The following ZFP92 variants were observed in gnomAD, a reference collection of about 807,000 sequenced individuals.
ZFP92 encodes ZFP92 zinc finger protein.
Under a neutral mutation model 7.6 loss-of-function variants are expected in ZFP92, and 2 were observed. That is an observed-to-expected ratio of 0.26 (90% CI 0.11 to 0.83). The LOEUF is 0.83. Among genes scored for constraint, ZFP92 ranks in the 40% least tolerant of loss-of-function variants. ZFP92 has a pLI of 0.65. For missense variants in ZFP92, 324 were observed against 408.3 expected (o/e 0.79, Z 1.78); for synonymous variants, 226 against 183.6 (o/e 1.23, Z -1.87).
intron 4 of ZFP92, among the ~76,000 whole-genome samples, chrX:153,419,645 A>T (rs1210453252): frequency 1.8e-5 from 2 of 112,421 alleles, no homozygotes; most frequent in Non-Finnish European, 3.8e-5. Flanking sequence ...CTGGAGGGGA[A>T]ATCCAGAGGG....
chrX:153,414,144 T>C (rs1283998808), intron 2 of ZFP92, among the ~76,000 whole-genome samples: 1 of 112,420 alleles, frequency 8.9e-6, no homozygotes, highest in Admixed American at 9.4e-5. Flanking sequence ...CTTATGCTGC[T>C]TTTCAAAACA....
At position 153,421,504 on chromosome X, in the gene ZFP92, C is replaced by A; in HGVS notation, c.1127C>A (p.Ala376Glu). 1.7e-6 allele frequency: 2 copies of A among 1,143,834 alleles called. No individual in the cohort carries two copies. Among genetic ancestry groups the A allele is most frequent in the Non-Finnish European group, 2.3e-6 (2 of 867,031 alleles). The allele number at this position is 1,143,834 out of a possible 1,213,427, so 94.3% of individuals were successfully genotyped here. A position where few individuals can be genotyped will look rare whatever the true frequency, so the allele number is the denominator to read the frequency against. ...GCAGTGCACGGCGCCAGGCGCCCTG[C>A]GAAGGCGGAGACGGCGCGGAGGCTA... ...HQAVHGARRP[A>E]KAETARRLAG... Residue 376 changes from alanine (A) to glutamate (E), a missense_variant, in exon 6 of 6, where the codon GCG (alanine) becomes GAG (glutamate). Transcript: ENST00000338647.
chrX:153,418,135 CAGA>C (rs1476874743), intron 2 of ZFP92, among the ~76,000 whole-genome samples, 167 bp from the exon 3 acceptor site: 2 of 112,273 alleles, frequency 1.8e-5, no homozygotes, highest in Non-Finnish European at 3.8e-5. Context: ...GGAAGCCATA[CAGA>C]AGGTCTGATG....
Position 153,421,259 on chromosome X carries a change from C to T in ZFP92, c.882C>T (p.Cys294=), listed in dbSNP as rs2088999948. ...RTHRGEKPYA[C]GQCAKAFKGV... is the part of the protein sequence containing the mutation. ...ACCGCGGCGAGAAGCCCTACGCCTG[C>T]GGCCAGTGCGCCAAGGCCTTCAAGG... is the stretch of plus-strand genomic sequence containing the variant. Residue 294 remains cysteine (C), a synonymous_variant, in exon 6 of 6, where the codon TGC becomes TGT. Transcript: ENST00000338647. The T allele has an allele frequency of 1.7e-6, 2 of 1,173,738 alleles. No individual in the cohort carries two copies. The highest frequency in any genetic ancestry group is 3.2e-5 in the East Asian group (1 of 31,399).
intron 2 of ZFP92, among the ~76,000 whole-genome samples, chrX:153,412,739 G>C (rs2088918778): frequency 9.0e-6 from 1 of 111,565 alleles, no homozygotes; most frequent in Non-Finnish European, 1.9e-5. Flanking sequence ...GTGCAGAGGT[G>C]GGAGGAGGGT....
chrX:153,418,859 AGTTT>A, intron 4 of ZFP92, 60 bp downstream of exon 4: 9 of 1,124,817 alleles, frequency 8.0e-6, no homozygotes, highest in Non-Finnish European at 9.4e-6. Flanking sequence ...CTCTGGGCTC[AGTTT>A]ATTTCCGAGA....
rs140580907 is a variant in ZFP92, at chrX:153,413,295, G to A, written c.-19+1282G>A. On this transcript the variant is annotated intron_variant, in intron 2 of 5. Coordinates refer to ENST00000338647, the MANE Select transcript of ZFP92 (RefSeq NM_001136273.2). ...GGGAATATCTCCCCATCTAGTGGTC[G>A]TCTTAAGGCATCCTGCTAGAGCCAG... Among the ~76,000 whole-genome samples, 31 of 103,790 alleles carry A rather than the reference G, an allele frequency of 3.0e-4. No homozygotes were observed. In the East Asian group the frequency reaches 8.8e-3, roughly 29 times the overall value. 90.1% of individuals were successfully genotyped at this position (103,790 alleles called of 115,157 possible).
At chrX:153,413,183 A>T (rs1337130334) in intron 2 of ZFP92, among the ~76,000 whole-genome samples, 1 of 108,635 alleles carries the variant, frequency 9.2e-6, no homozygotes, top group Admixed American at 9.8e-5. Context: ...GTGGATGAAA[A>T]AGCCCAAATT....
In ZFP92 at chrX:153,422,998, A is replaced by T. The variant is rs1421507241; in HGVS notation, c.*1370A>T. The T allele has an allele frequency of 8.9e-6, 1 of 112,355 alleles. No homozygotes were observed. Among genetic ancestry groups the T allele is most frequent in the Non-Finnish European group, 1.9e-5 (1 of 53,207 alleles). 9.3% of individuals were successfully genotyped at this position (112,355 alleles called of 1,213,427 possible). ...ACCCCTCTTCCCCTTAGCCCTGCAG[A>T]AACAGGGCAGACTCTTCAAATGGCA... On this transcript the variant is annotated 3_prime_UTR_variant, in exon 6 of 6. Coordinates refer to ENST00000338647, the MANE Select transcript of ZFP92 (RefSeq NM_001136273.2).
In ZFP92 at chrX:153,422,514, C is replaced by T. The variant is rs886754679; in HGVS notation, c.*886C>T. The T allele has an allele frequency of 2.7e-5, 3 of 110,494 alleles. No homozygotes were observed. Among genetic ancestry groups the T allele is most frequent in the African/African-American group, 9.9e-5 (3 of 30,203 alleles). The allele number at this position is 110,494 out of a possible 1,213,427, so 9.1% of individuals were successfully genotyped here. On this transcript the variant is annotated 3_prime_UTR_variant, in exon 6 of 6. Transcript: ENST00000338647. ...CCTGCCCGCCCACTGCCTTCTGCTC[C>T]CCAGACCCCACCAGCAAAGGCCACC...
chrX:153,415,926 C>A (rs782535471), intron 2 of ZFP92, among the ~76,000 whole-genome samples: 1 of 111,351 alleles, frequency 9.0e-6, no homozygotes, highest in South Asian at 3.8e-4. Flanking sequence ...TCCCAATGAT[C>A]CCTAATCCCT....
Position 153,421,666 on chromosome X carries a change from TG to T in ZFP92, c.*44del. 1.1e-6 allele frequency: 1 copy of T among 933,516 alleles called. No homozygotes were observed. The allele number at this position is 933,516 out of a possible 1,213,427, so 76.9% of individuals were successfully genotyped here. A position where few individuals can be genotyped will look rare whatever the true frequency, so the allele number is the denominator to read the frequency against. ...GCACCCAGGGCGCGGCCGGTCTGCGTGGGGGGCCTTCCTGGGGACGTCGAGG... is the reference window on the plus strand; with the variant it reads ...GCACCCAGGGCGCGGCCGGTCTGCGTGGGGGCCTTCCTGGGGACGTCGAGG... On this transcript the variant is annotated 3_prime_UTR_variant, in exon 6 of 6. Transcript: ENST00000338647.
intron 3 of ZFP92, 126 bp from the exon 4 acceptor site, chrX:153,418,547 A>G: frequency 2.0e-6 from 2 of 1,012,331 alleles, no homozygotes; most frequent in South Asian, 4.7e-5. Context: ...AACTCGTGCA[A>G]CCCGAGTCTT....
In ZFP92 at chrX:153,415,887, C is replaced by A. The variant is rs147284602; in HGVS notation, c.-18-2418C>A. On this transcript the variant is annotated intron_variant, in intron 2 of 5. Transcript: ENST00000338647. ...ATGAGCAGTTATGATCCCCTACTTCCTTCCGAGGGCCACCCCATAATCACC... is the reference window on the plus strand; with the variant it reads ...ATGAGCAGTTATGATCCCCTACTTCATTCCGAGGGCCACCCCATAATCACC... 9.8e-3 allele frequency among the ~76,000 whole-genome samples: 1,091 copies of A among 111,323 alleles called. 20 individuals are homozygous for A. The highest frequency in any genetic ancestry group is 0.034 in the African/African-American group (1,026 of 30,555).
chrX:153,413,348 T>C (rs782198188), intron 2 of ZFP92, among the ~76,000 whole-genome samples: 21 of 105,678 alleles, frequency 2.0e-4, no homozygotes, highest in South Asian at 4.4e-4. Flanking sequence ...CAGGCTTCCT[T>C]GCTGGCAGTG....
chrX:153,421,520 G>A lies in ZFP92; in HGVS notation c.1143G>A (p.Ala381=), dbSNP rs1270018349. 9 of 1,131,631 alleles carry A rather than the reference G, an allele frequency of 8.0e-6. No individual in the cohort carries two copies. The Admixed American group carries it at 1.1e-4, about 14-fold the overall frequency. The allele number at this position is 1,131,631 out of a possible 1,213,427, so 93.3% of individuals were successfully genotyped here. A position where few individuals can be genotyped will look rare whatever the true frequency, so the allele number is the denominator to read the frequency against. The change falls in exon 6 of 6, where the codon GCG becomes GCA. Residue 381 remains alanine (A), a synonymous_variant. Transcript: ENST00000338647. The part of the protein sequence containing the change: ...GARRPAKAET[A]RRLAGPGSTG... ...GGCGCCCTGCGAAGGCGGAGACGGC[G>A]CGGAGGCTAGCGGGCCCTGGGAGCA...
chrX:153,417,743 C>T (rs2088964829), intron 2 of ZFP92, among the ~76,000 whole-genome samples: 1 of 111,790 alleles, frequency 8.9e-6, no homozygotes, highest in Non-Finnish European at 1.9e-5. Flanking sequence ...TGAATGGTGC[C>T]CCCCAAAAAG....
rs1362629546 is a variant in ZFP92 at position 153,423,684 on chromosome X, C to A, written c.*2056C>A. 8.8e-6 allele frequency: 1 copy of A among 113,554 alleles called. No homozygotes were observed. Among genetic ancestry groups the A allele is most frequent in the Non-Finnish European group, 1.9e-5 (1 of 53,472 alleles). The allele number at this position is 113,554 out of a possible 1,213,427, so 9.4% of individuals were successfully genotyped here. ...TCAGACTCAGGCTTGGGACCATTGT[C>A]GGCTCCAGCCTTGCCTTGAGGCAAT... On this transcript the variant is annotated 3_prime_UTR_variant, in exon 6 of 6. Transcript: ENST00000338647.
At chrX:153,420,057 G>T (rs782489319) in intron 4 of ZFP92, among the ~76,000 whole-genome samples, 171 bp from the exon 5 acceptor site, 1 of 112,532 alleles carries the variant, frequency 8.9e-6, no homozygotes, top group Admixed American at 9.3e-5. Flanking sequence ...GGACGCGCAG[G>T]AGCCCTTGCC....
Sources: allele counts gnomAD v4.1 joint callset (sites outside exome capture counted in the v4.1 genomes callset), GRCh38; gene constraint gnomAD v4.1.1; transcripts MANE v1.5; gene names NCBI Gene and HGNC (gene_info 2026-07-23, HGNC 2026-07-21).